SLC12A3: variants seen among roughly 807,000 people sequenced by gnomAD.
SLC12A3 encodes the protein Na-Cl cotransporter.
Under a neutral mutation model 121.0 loss-of-function variants are expected in SLC12A3, and 104 were observed. The observed-to-expected ratio is 0.86, with a 90% CI of 0.73 to 1.01. SLC12A3 has a LOEUF of 1.01. SLC12A3 is among the 50% of genes least tolerant of loss of function. The probability of loss-of-function intolerance (pLI) is 0.00; values close to 1 mark genes in which losing one functional copy is unlikely to be tolerated. For synonymous variants in SLC12A3, 536 were observed against 533.4 expected (o/e 1.00, Z -0.07); for missense variants, 1,328 against 1,356.3 (o/e 0.98, Z 0.33).
At position 56,870,222 on chromosome 16, in the gene SLC12A3, G is replaced by A. The variant is rs773329503; in HGVS notation, c.728G>A (p.Arg243Gln). The stretch of plus-strand genomic sequence containing the variant: ...ACGGTGGGCTTTGCAGAGACCGTGC[G>A]GGACCTGCTCCAGGTGAGGCCGGGG... The part of the protein sequence containing the change: ...MHTVGFAETV[R>Q]DLLQEYGAPI... Residue 243 changes from arginine (R) to glutamine (Q), a missense_variant, in exon 5 of 26, where the codon CGG (arginine) becomes CAG (glutamine). Coordinates refer to ENST00000563236, the MANE Select transcript of SLC12A3 (RefSeq NM_001126108.2). 2.5e-5 allele frequency: 40 copies of A among 1,613,402 alleles called. No homozygotes were observed. The highest frequency in any genetic ancestry group is 6.7e-5 in the African/African-American group (5 of 74,934).
Position 56,886,434 on chromosome 16 carries a change from A to G in SLC12A3, c.1996A>G (p.Thr666Ala). ...CCTGGTGGACTTTGTGGGCACCTTC[A>G]CCCGGAACCTCAGCCTGATGATCTG... ...PALVDFVGTF[T>A]RNLSLMICGH... is the part of the protein sequence containing the mutation. Residue 666 changes from threonine (T) to alanine (A), a missense_variant, in exon 16 of 26, where the codon ACC (threonine) becomes GCC (alanine). Coordinates refer to ENST00000563236, the MANE Select transcript of SLC12A3 (RefSeq NM_001126108.2). 6.2e-7 allele frequency: 1 copy of G among 1,613,872 alleles called. No homozygotes were observed. The highest frequency in any genetic ancestry group is 8.5e-7 in the Non-Finnish European group (1 of 1,179,970).
chr16:56,889,902 A>G (rs1161121526), intron 18 of SLC12A3, among the ~76,000 whole-genome samples: 1 of 152,190 alleles, frequency 6.6e-6, no homozygotes, highest in African/African-American at 2.4e-5. Flanking sequence ...CTGTGTGACC[A>G]TGGGCAAGTT....
chr16:56,873,392 T>C (rs1483578881), intron 8 of SLC12A3, among the ~76,000 whole-genome samples: 1 of 132,996 alleles, frequency 7.5e-6, no homozygotes, highest in Non-Finnish European at 1.6e-5. Context: ...TTTTTTTTTT[T>C]TTTTTTTTTT....
At chr16:56,890,919 A>T (rs573327446) in intron 19 of SLC12A3, among the ~76,000 whole-genome samples, 116 of 148,098 alleles carry the variant, frequency 7.8e-4, no homozygotes, top group Middle Eastern at 3.6e-3. Flanking sequence ...AAAAAAAAAG[A>T]TGTAATAGAA....
intron 13 of SLC12A3, 67 bp downstream of exon 13, chr16:56,882,564 T>C: frequency 8.3e-7 from 1 of 1,207,506 alleles, no homozygotes; most frequent in South Asian, 1.2e-5. Flanking sequence ...GGGCATGGGG[T>C]GGGAGTGGGA....
At chr16:56,902,858 C>T (rs2055557736) in intron 24 of SLC12A3, among the ~76,000 whole-genome samples, 1 of 152,022 alleles carries the variant, frequency 6.6e-6, no homozygotes, top group South Asian at 2.1e-4. Context: ...ATAATTAGTC[C>T]TGTTAGGCCG....
chr16:56,890,873 T>G (rs8064102), intron 19 of SLC12A3, among the ~76,000 whole-genome samples: 102,080 of 148,386 alleles, frequency 0.69, 35,591 homozygotes, highest in African/African-American at 0.81. Flanking sequence ...TTGCACTCCA[T>G]CCTGGGTGAC....
At chr16:56,882,538 G>A in intron 13 of SLC12A3, 41 bp downstream of exon 13, 1 of 1,496,202 alleles carries the variant, frequency 6.7e-7, no homozygotes, top group Non-Finnish European at 9.3e-7. Flanking sequence ...AGGCACCCAG[G>A]GGGCAGGAGG....
chr16:56,879,681 G>A, intron 11 of SLC12A3, 32 bp downstream of exon 11: 1 of 1,537,734 alleles, frequency 6.5e-7, no homozygotes, highest in African/African-American at 1.4e-5. Flanking sequence ...GAGATGACAG[G>A]GGGTGGGGAG....
intron 11 of SLC12A3, 69 bp downstream of exon 11, chr16:56,879,718 G>A: frequency 8.7e-7 from 1 of 1,151,404 alleles, no homozygotes; most frequent in Non-Finnish European, 1.3e-6. Context: ...AATAGGGCGG[G>A]TCCCTGGGTG....
At chr16:56,869,473 A>C (rs1431731298) in intron 3 of SLC12A3, among the ~76,000 whole-genome samples, 1 of 152,148 alleles carries the variant, frequency 6.6e-6, no homozygotes, top group Non-Finnish European at 1.5e-5. Flanking sequence ...GATTACAGGC[A>C]TGTGCCAGCA....
intron 6 of SLC12A3, 26 bp from the exon 7 acceptor site, chr16:56,872,325 C>G: frequency 6.5e-7 from 1 of 1,534,576 alleles, no homozygotes. Flanking sequence ...AACTATCTGA[C>G]CTCTGGGGTC....
At chr16:56,891,025 G>A (rs1180974674) in intron 19 of SLC12A3, among the ~76,000 whole-genome samples, 1 of 152,036 alleles carries the variant, frequency 6.6e-6, no homozygotes, top group Non-Finnish European at 1.5e-5. Context: ...GGTCCACTGA[G>A]TAGGGATGTG....
At chr16:56,902,215 A>T in intron 23 of SLC12A3, 158 bp from the exon 24 acceptor site, 1 of 899,456 alleles carries the variant, frequency 1.1e-6, no homozygotes, top group Non-Finnish European at 1.7e-6. Context: ...AGCAGAGCTG[A>T]ATTCAACATG....
intron 18 of SLC12A3, among the ~76,000 whole-genome samples, chr16:56,888,791 C>G (rs544705814): frequency 1.3e-5 from 2 of 152,084 alleles, no homozygotes; most frequent in Non-Finnish European, 2.9e-5. Flanking sequence ...ATCTCCTGAC[C>G]TCGTGATCCG....
intron 6 of SLC12A3, among the ~76,000 whole-genome samples, chr16:56,871,765 T>C (rs2055100352): frequency 6.6e-6 from 1 of 152,146 alleles, no homozygotes; most frequent in South Asian, 2.1e-4. Flanking sequence ...TTCTGTCACC[T>C]AGGCTGGGGT....
rs1191004604 is a variant in SLC12A3, at chr16:56,913,328, C to T, written c.2989C>T (p.Leu997=). The change falls in exon 26 of 26, where the codon CTG becomes TTG. Residue 997 remains leucine (L), a synonymous_variant. Transcript: ENST00000563236. ...GCTGTACATGGCCTGGCTGGAGACC[C>T]TGTCCCAGGACCTCAGACCTCCAGT... ...SSLYMAWLET[L]SQDLRPPVIL... is the part of the protein sequence containing the mutation. 1 of 1,614,194 alleles carries T rather than the reference C, an allele frequency of 6.2e-7. No homozygotes were observed. The highest frequency in any genetic ancestry group is 1.7e-5 in the Admixed American group (1 of 60,028).
chr16:56,881,420 A>T (rs1167234637), intron 12 of SLC12A3, among the ~76,000 whole-genome samples: 2 of 150,774 alleles, frequency 1.3e-5, no homozygotes, highest in Non-Finnish European at 2.9e-5. Context: ...ATGTACCCTG[A>T]TGCAGATTCG....
intron 5 of SLC12A3, 106 bp from the exon 6 acceptor site, chr16:56,870,520 G>C: frequency 1.2e-6 from 1 of 839,152 alleles, no homozygotes; most frequent in South Asian, 1.4e-5. Context: ...AGTTAACATC[G>C]TCCTAGCAGA....
Sources: gnomAD v4.1 joint callset for allele counts (sites outside exome capture counted in the v4.1 genomes callset) on GRCh38, gnomAD v4.1.1 for gene constraint, MANE v1.5 for transcripts, NCBI Gene and HGNC (gene_info 2026-07-23, HGNC 2026-07-21) for gene names.